Variants in ANK3 observed in about 807,000 individuals in gnomAD.
ANK3 encodes the protein ankyrin 3, also known as ankyrin-3.
A neutral mutation model predicts 370.9 loss-of-function variants in ANK3; 57 were observed. The ratio of observed to expected loss-of-function variants is 0.15; its 90% confidence interval spans 0.12 to 0.19. The LOEUF (loss-of-function observed/expected upper bound fraction) is 0.19. Among genes scored for constraint, ANK3 ranks in the 10% least tolerant of loss-of-function variants. The probability of loss-of-function intolerance (pLI) is 1.00; values close to 1 mark genes in which losing one functional copy is unlikely to be tolerated. For synonymous variants in ANK3, 1,929 were observed against 1,946.3 expected (o/e 0.99, Z 0.23); for missense variants, 4,439 against 5,302.1 (o/e 0.84, Z 5.06).
intron 1 of ANK3, among the ~76,000 whole-genome samples, chr10:60,663,206 T>A (rs2133374096): frequency 6.6e-6 from 1 of 152,276 alleles, no homozygotes; most frequent in African/African-American, 2.4e-5. Context: ...CACCAGGAGG[T>A]TTGAAATTCT....
intron 2 of ANK3, among the ~76,000 whole-genome samples, chr10:60,580,835 G>T (rs1307444150): frequency 6.6e-6 from 1 of 152,106 alleles, no homozygotes; most frequent in Non-Finnish European, 1.5e-5. Context: ...GCATTTTTCA[G>T]GCTTGAAGGG....
At chr10:60,570,820 A>G (rs2077576407) in intron 2 of ANK3, among the ~76,000 whole-genome samples, 1 of 152,074 alleles carries the variant, frequency 6.6e-6, no homozygotes, top group Non-Finnish European at 1.5e-5. Flanking sequence ...GACATGGAAC[A>G]CAGCTGGGAA....
At chr10:60,103,051 A>G (rs1414232251) in intron 28 of ANK3, among the ~76,000 whole-genome samples, 2 of 152,030 alleles carry the variant, frequency 1.3e-5, no homozygotes, top group Admixed American at 1.3e-4. Flanking sequence ...CCCGGGTTCA[A>G]GTGATTCTCT....
chr10:60,187,177 G>T (rs898983781), intron 16 of ANK3, among the ~76,000 whole-genome samples: 3 of 97,560 alleles, frequency 3.1e-5, no homozygotes, highest in Non-Finnish European at 7.3e-5. Flanking sequence ...TATTTTTTGA[G>T]ACAGAGTCTC....
intron 1 of ANK3, among the ~76,000 whole-genome samples, chr10:60,331,962 TTC>T (rs2051446575): frequency 6.7e-6 from 1 of 148,504 alleles, no homozygotes; most frequent in African/African-American, 2.5e-5. Flanking sequence ...ACATCTTTTT[TTC>T]TTTTTTTTTT....
Position 60,263,780 on chromosome 10 carries a change from TTG to T in ANK3, c.699+53_699+54del, listed in dbSNP as rs1166080774. 3.7e-6 allele frequency: 6 copies of T among 1,602,632 alleles called. No individual in the cohort carries two copies. The East Asian group carries it at 1.3e-4, about 36-fold the overall frequency. On this transcript the variant is annotated intron_variant, in intron 6 of 43. Coordinates refer to ENST00000280772, the MANE Select transcript of ANK3 (RefSeq NM_020987.5). Reference sequence around the variant, plus strand: ...GAGGGAGACCGGGTGCTCTTAAAGGTTGTGTGTCTAACACCGGAGAGTTGCAT... The same window carrying T: ...GAGGGAGACCGGGTGCTCTTAAAGGTTGTGTCTAACACCGGAGAGTTGCAT...
intron 1 of ANK3, among the ~76,000 whole-genome samples, chr10:60,370,737 T>C (rs2059996623): frequency 6.6e-6 from 1 of 152,188 alleles, no homozygotes; most frequent in Admixed American, 6.5e-5. Flanking sequence ...TCAGTAATTA[T>C]TCTCCAGGTT....
chr10:60,315,036 T>C (rs2047108840), intron 1 of ANK3, among the ~76,000 whole-genome samples: 1 of 152,228 alleles, frequency 6.6e-6, no homozygotes, highest in African/African-American at 2.4e-5. Flanking sequence ...TTTCTCATGG[T>C]ACTTTCCATT....
chr10:60,614,749 C>G (rs2078244926), intron 2 of ANK3, among the ~76,000 whole-genome samples: 1 of 152,156 alleles, frequency 6.6e-6, no homozygotes, highest in Non-Finnish European at 1.5e-5. Context: ...GATCTAGAAG[C>G]AAACATCTGA....
At chr10:60,601,293 A>G (rs531066325) in intron 2 of ANK3, among the ~76,000 whole-genome samples, 33 of 152,040 alleles carry the variant, frequency 2.2e-4, no homozygotes, top group African/African-American at 6.8e-4. Flanking sequence ...TTGTTACAAA[A>G]AAAGTAGAGT....
chr10:60,288,462 G>T (rs1408824529), intron 1 of ANK3, among the ~76,000 whole-genome samples: 1 of 152,174 alleles, frequency 6.6e-6, no homozygotes, highest in Non-Finnish European at 1.5e-5. Flanking sequence ...GAAGCTCATC[G>T]GGAAGGGCCA....
intron 43 of ANK3, among the ~76,000 whole-genome samples, chr10:60,034,761 C>A (rs1359747562): frequency 6.6e-6 from 1 of 152,158 alleles, no homozygotes; most frequent in Admixed American, 6.5e-5. Context: ...TACTCTAGTT[C>A]TTTGTTTCTC....
chr10:60,120,082 C>A (rs559042311), intron 25 of ANK3, among the ~76,000 whole-genome samples: 1 of 152,210 alleles, frequency 6.6e-6, no homozygotes, highest in Non-Finnish European at 1.5e-5. Context: ...GATATAATCA[C>A]CAAAACGGCA....
At position 60,076,431 on chromosome 10, in the gene ANK3, C is replaced by T. The variant is rs2083829674; in HGVS notation, c.4450G>A (p.Ala1484Thr). The change falls in exon 37 of 44, where the codon GCA becomes ACA. Residue 1484 changes from alanine (A) to threonine (T), a missense_variant. Around this residue, in one of 13 missense-constraint regions of ANK3, gnomAD observed 679 missense variants for 791.0 expected, o/e 0.86. Transcript: ENST00000280772. ...EPGMIERSTG[A>T]TRSLPTTYSY... is the part of the protein sequence containing the mutation. Reference sequence around the variant, plus strand: ...TAAGTGGTGGGGAGGGATCTTGTTGCTCCTGTACTCCGTTCAACTGTTTCT... The same window carrying T: ...TAAGTGGTGGGGAGGGATCTTGTTGTTCCTGTACTCCGTTCAACTGTTTCT... 3.1e-6 allele frequency: 5 copies of T among 1,592,254 alleles called. No individual in the cohort carries two copies. Among genetic ancestry groups the T allele is most frequent in the Non-Finnish European group, 4.3e-6 (5 of 1,170,032 alleles).
chr10:60,540,217 C>T (rs1341977199), intron 2 of ANK3, among the ~76,000 whole-genome samples: 1 of 151,766 alleles, frequency 6.6e-6, no homozygotes, highest in East Asian at 1.9e-4. Context: ...CCTTGGGTGG[C>T]TTGTTTCCAC....
At chr10:60,240,300 A>ATC (rs1344546716) in intron 7 of ANK3, among the ~76,000 whole-genome samples, 1 of 93,890 alleles carries the variant, frequency 1.1e-5, no homozygotes, top group Non-Finnish European at 2.2e-5. Flanking sequence ...ATATATATAT[A>ATC]TATATATTTT....
At chr10:60,088,635 G>A (rs1247665999) in intron 28 of ANK3, among the ~76,000 whole-genome samples, 2 of 152,172 alleles carry the variant, frequency 1.3e-5, no homozygotes, top group Non-Finnish European at 2.9e-5. Context: ...ATGTTGGCCA[G>A]GATGGTCTCG....
intron 2 of ANK3, among the ~76,000 whole-genome samples, chr10:60,453,694 T>A (rs548425759): frequency 6.6e-6 from 1 of 152,158 alleles, no homozygotes; most frequent in East Asian, 1.9e-4. Flanking sequence ...TGGACCAAAC[T>A]GATAGGAAAC....
At chr10:60,518,036 G>C (rs971936444) in intron 2 of ANK3, among the ~76,000 whole-genome samples, 4 of 152,084 alleles carry the variant, frequency 2.6e-5, no homozygotes, top group Non-Finnish European at 4.4e-5. Flanking sequence ...TGACTCACTG[G>C]CTTAGCAAAG....
Sources: gnomAD v4.1 joint callset for allele counts (sites outside exome capture counted in the v4.1 genomes callset) on GRCh38, gnomAD v4.1.1 for gene constraint, gnomAD v4.1.1 regional missense constraint, MANE v1.5 for transcripts, NCBI Gene and HGNC (gene_info 2026-07-23, HGNC 2026-07-21) for gene names.